Variants in DCAF1 observed in about 807,000 individuals in gnomAD.
DCAF1 encodes the protein DDB1 and CUL4 associated factor 1, also known as DDB1- and CUL4-associated factor 1.
Under a neutral mutation model 128.0 loss-of-function variants are expected in DCAF1, and 15 were observed. The observed-to-expected ratio is 0.12, with a 90% CI of 0.08 to 0.18. The LOEUF is 0.18. Ranked by LOEUF, DCAF1 falls within the 10% of genes least tolerant of loss-of-function variation. DCAF1 has a pLI of 1.00. For synonymous variants in DCAF1, 610 were observed against 603.0 expected, an observed-to-expected ratio of 1.01 and a Z score of -0.17; for missense variants, 988 against 1,649.5, an observed-to-expected ratio of 0.60 and a Z score of 6.95.
At chr3:51,497,437 A>C (rs1169936092) in intron 1 of DCAF1, among the ~76,000 whole-genome samples, 2 of 151,582 alleles carry the variant, frequency 1.3e-5, no homozygotes, top group East Asian at 3.9e-4. Context: ...AAATACAAAA[A>C]TTAGCTGGGC....
At chr3:51,466,010 C>T (rs1312446312) in intron 5 of DCAF1, among the ~76,000 whole-genome samples, 1 of 151,948 alleles carries the variant, frequency 6.6e-6, no homozygotes, top group East Asian at 1.9e-4. Context: ...ACTAGCCTGG[C>T]CAACATGGTG....
intron 2 of DCAF1, among the ~76,000 whole-genome samples, chr3:51,488,948 G>T (rs1239301347): frequency 6.6e-6 from 1 of 152,168 alleles, no homozygotes; most frequent in Non-Finnish European, 1.5e-5. Context: ...CTGCGCGACA[G>T]GGCGAGACTC....
intron 7 of DCAF1, among the ~76,000 whole-genome samples, chr3:51,442,676 G>A (rs1701471322): frequency 6.6e-6 from 1 of 151,978 alleles, no homozygotes. Flanking sequence ...TCCAGCTTGG[G>A]CAACAAGAGT....
chr3:51,482,369 C>A (rs1278653796), intron 3 of DCAF1, among the ~76,000 whole-genome samples: 1 of 150,578 alleles, frequency 6.6e-6, no homozygotes, highest in Non-Finnish European at 1.5e-5. Context: ...GGCTTGAGTC[C>A]AGGAGATCAA....
intron 12 of DCAF1, among the ~76,000 whole-genome samples, chr3:51,428,825 A>T (rs1382669775): frequency 6.6e-6 from 1 of 151,874 alleles, no homozygotes; most frequent in Non-Finnish European, 1.5e-5. Context: ...TGAGACCCCC[A>T]TCTCCACAAA....
intron 9 of DCAF1, chr3:51,437,266 C>CAAAAA (rs71633071): frequency 6.9e-4 from 177 of 256,342 alleles, no homozygotes; most frequent in African/African-American, 1.2e-3. Flanking sequence ...GACTCCATGT[C>CAAAAA]AAAAAAAAAA....
At chr3:51,446,691 G>A (rs1331326956) in intron 6 of DCAF1, among the ~76,000 whole-genome samples, 1 of 151,934 alleles carries the variant, frequency 6.6e-6, no homozygotes, top group Non-Finnish European at 1.5e-5. Flanking sequence ...CGTGCACAGT[G>A]GCTCACACCT....
chr3:51,495,052 G>C (rs571808092), intron 2 of DCAF1, among the ~76,000 whole-genome samples: 56 of 152,312 alleles, frequency 3.7e-4, no homozygotes, highest in Middle Eastern at 3.4e-3. Flanking sequence ...GCCAGGCGTG[G>C]TGGCTCACGC....
chr3:51,444,898 A>G (rs1050404798), intron 6 of DCAF1, among the ~76,000 whole-genome samples: 10 of 140,448 alleles, frequency 7.1e-5, no homozygotes, highest in Admixed American at 3.6e-4. Flanking sequence ...GATGGTCTCG[A>G]TCTCCTGACC....
intron 9 of DCAF1, chr3:51,437,976 A>T (rs2107646780): frequency 3.6e-6 from 1 of 279,500 alleles, no homozygotes; most frequent in South Asian, 3.2e-5. Flanking sequence ...CACTTATAAC[A>T]AAGTAACTTA....
At chr3:51,438,758 T>G (rs945706133) in intron 9 of DCAF1, among the ~76,000 whole-genome samples, 1 of 151,788 alleles carries the variant, frequency 6.6e-6, no homozygotes, top group Admixed American at 6.6e-5. Context: ...ATTATAGGCA[T>G]GTGCCACCAC....
intron 2 of DCAF1, among the ~76,000 whole-genome samples, chr3:51,487,813 T>C (rs1553656100): frequency 6.6e-6 from 1 of 151,978 alleles, no homozygotes; most frequent in Non-Finnish European, 1.5e-5. Flanking sequence ...AGTGCTAGGA[T>C]TACAGGGACA....
intron 16 of DCAF1, 35 bp from the exon 17 acceptor site, chr3:51,418,233 A>T: frequency 3.2e-6 from 5 of 1,583,002 alleles, no homozygotes; most frequent in Non-Finnish European, 4.3e-6. Flanking sequence ...GTAACCACGT[A>T]TTTACATACA....
In DCAF1 at chr3:51,456,763, G is replaced by A. The variant is rs1249844421; in HGVS notation, c.375+6351C>T. Among the ~76,000 whole-genome samples the A allele has an allele frequency of 2.6e-5, 4 of 152,142 alleles. No homozygotes were observed. In the South Asian group the frequency reaches 8.3e-4, roughly 31 times the overall value. On this transcript the variant is annotated intron_variant, in intron 6 of 24. Transcript: ENST00000684031. Reference sequence around the variant, plus strand: ...CAGCATCTGTGGTTCACCAATATCCGCTATTCTGCAGCCACCGCTGCTGAT... The same window carrying A: ...CAGCATCTGTGGTTCACCAATATCCACTATTCTGCAGCCACCGCTGCTGAT...
intron 6 of DCAF1, among the ~76,000 whole-genome samples, chr3:51,446,634 AAAG>A (rs1164683871): frequency 6.6e-6 from 1 of 151,874 alleles, no homozygotes; most frequent in Non-Finnish European, 1.5e-5. Context: ...CCATGCCTAA[AAAG>A]AATAAAAATA....
chr3:51,449,885 G>A (rs1036513947), intron 6 of DCAF1, among the ~76,000 whole-genome samples: 2 of 151,996 alleles, frequency 1.3e-5, no homozygotes, highest in African/African-American at 4.8e-5. Flanking sequence ...CAACAAATTG[G>A]ATAACCAAGA....
At chr3:51,488,746 T>C (rs1707270366) in intron 2 of DCAF1, among the ~76,000 whole-genome samples, 1 of 151,780 alleles carries the variant, frequency 6.6e-6, no homozygotes, top group Non-Finnish European at 1.5e-5. Flanking sequence ...GAGGTTGCAG[T>C]GAGCCAAGAT....
intron 3 of DCAF1, among the ~76,000 whole-genome samples, chr3:51,478,134 G>A (rs1705710754): frequency 6.6e-6 from 1 of 152,082 alleles, no homozygotes; most frequent in South Asian, 2.1e-4. Context: ...CTCCTGAGTA[G>A]CTGAGACTAC....
At chr3:51,441,201 T>C in intron 8 of DCAF1, 130 bp from the exon 9 acceptor site, 1 of 1,155,834 alleles carries the variant, frequency 8.7e-7, no homozygotes, top group Non-Finnish European at 1.2e-6. Flanking sequence ...GATAAACGTG[T>C]AAATGCACTT....
Sources: gnomAD v4.1 joint callset for allele counts (sites outside exome capture counted in the v4.1 genomes callset) on GRCh38, gnomAD v4.1.1 for gene constraint, MANE v1.5 for transcripts, NCBI Gene and HGNC (gene_info 2026-07-23, HGNC 2026-07-21) for gene names.